Variants in CTNNA3 observed in about 807,000 individuals in gnomAD.
CTNNA3 encodes catenin alpha 3.
CTNNA3 carries 76 observed loss-of-function variants against 95.7 expected under a neutral mutation model. The ratio of observed to expected loss-of-function variants is 0.79; its 90% CI spans 0.66 to 0.96. CTNNA3 has a LOEUF of 0.96. CTNNA3 is among the 40% of genes least tolerant of loss of function. CTNNA3 has a pLI of 0.00. For missense variants in CTNNA3, 1,191 were observed against 1,089.8 expected (o/e 1.09, Z -1.31); for synonymous variants, 431 against 374.4 (o/e 1.15, Z -1.74).
chr10:66,047,601 T>C (rs2133521895), intron 15 of CTNNA3, among the ~76,000 whole-genome samples: 1 of 152,252 alleles, frequency 6.6e-6, no homozygotes, highest in South Asian at 2.1e-4. Context: ...ATCTCTTCTA[T>C]TCAAAATAGT....
intron 7 of CTNNA3, among the ~76,000 whole-genome samples, chr10:67,060,755 G>C (rs73256441): frequency 0.063 from 9,569 of 152,216 alleles, 941 homozygotes; most frequent in African/African-American, 0.21. Flanking sequence ...TGGTGCCTCT[G>C]TCAGCCTAGG....
chr10:66,687,808 T>C (rs1847356527), intron 9 of CTNNA3, among the ~76,000 whole-genome samples: 1 of 152,198 alleles, frequency 6.6e-6, no homozygotes, highest in African/African-American at 2.4e-5. Flanking sequence ...GATTATCTTC[T>C]AGACTCTATA....
chr10:67,327,653 A>C (rs1053184129), intron 5 of CTNNA3, among the ~76,000 whole-genome samples: 2 of 152,176 alleles, frequency 1.3e-5, no homozygotes, highest in Non-Finnish European at 2.9e-5. Context: ...GTACACTCCA[A>C]CGGGTGGTGT....
chr10:67,511,742 A>C (rs1220413611), intron 5 of CTNNA3, among the ~76,000 whole-genome samples: 1 of 152,088 alleles, frequency 6.6e-6, no homozygotes. Context: ...CTCTTTTACT[A>C]TTGATTGGAA....
At chr10:67,026,327 T>A (rs186689590) in intron 7 of CTNNA3, among the ~76,000 whole-genome samples, 5 of 152,172 alleles carry the variant, frequency 3.3e-5, no homozygotes, top group Non-Finnish European at 5.9e-5. Context: ...CAAGTAGAGT[T>A]TTAAGAAGAT....
chr10:66,121,818 T>G (rs1056362033), intron 13 of CTNNA3, among the ~76,000 whole-genome samples: 5 of 152,164 alleles, frequency 3.3e-5, no homozygotes, highest in Non-Finnish European at 7.3e-5. Flanking sequence ...CTGTCCAGCC[T>G]GGGTGACAGA....
intron 16 of CTNNA3, among the ~76,000 whole-genome samples, chr10:65,983,412 T>C (rs896248639): frequency 2.0e-5 from 3 of 151,564 alleles, no homozygotes; most frequent in Admixed American, 2.0e-4. Context: ...TATCCTTACC[T>C]TATGAGATGT....
At chr10:66,913,935 C>A (rs1383948881) in intron 7 of CTNNA3, among the ~76,000 whole-genome samples, 1 of 152,148 alleles carries the variant, frequency 6.6e-6, no homozygotes, top group Non-Finnish European at 1.5e-5. Context: ...GAACTTGGGG[C>A]ACCCAGCACC....
intron 1 of CTNNA3, among the ~76,000 whole-genome samples, chr10:67,752,082 C>T (rs1001481127): frequency 6.6e-6 from 1 of 152,160 alleles, no homozygotes; most frequent in African/African-American, 2.4e-5. Context: ...CAATAAAATA[C>T]TGGCAAACCA....
At chr10:66,701,355 A>G (rs1847936073) in intron 9 of CTNNA3, among the ~76,000 whole-genome samples, 2 of 152,158 alleles carry the variant, frequency 1.3e-5, no homozygotes. Flanking sequence ...CTTTGCATAT[A>G]AGTTTCAGAA....
intron 11 of CTNNA3, among the ~76,000 whole-genome samples, chr10:66,381,279 C>T (rs17176679): frequency 0.095 from 14,502 of 152,146 alleles, 918 homozygotes; most frequent in Middle Eastern, 0.18. Context: ...TTCTTTCAAG[C>T]CACTAGGCAA....
chr10:67,378,684 C>G (rs1843792537), intron 5 of CTNNA3, among the ~76,000 whole-genome samples: 1 of 152,200 alleles, frequency 6.6e-6, no homozygotes, highest in South Asian at 2.1e-4. Flanking sequence ...ACTTATTTCA[C>G]TTAACAGTGT....
At chr10:66,843,733 C>A (rs560334615) in intron 7 of CTNNA3, among the ~76,000 whole-genome samples, 67 of 152,272 alleles carry the variant, frequency 4.4e-4, no homozygotes, top group African/African-American at 1.6e-3. Context: ...AAGGACATGA[C>A]CCTTTTATTT....
upstream of CTNNA3, among the ~76,000 whole-genome samples, chr10:67,696,799 T>C (rs1840972885): frequency 1.3e-5 from 2 of 152,140 alleles, no homozygotes; most frequent in South Asian, 4.1e-4. Flanking sequence ...TTTTTTGATA[T>C]CTTCTCCCTC....
intron 13 of CTNNA3, among the ~76,000 whole-genome samples, chr10:66,136,113 A>G (rs1284635571): frequency 2.0e-5 from 3 of 152,144 alleles, no homozygotes; most frequent in Non-Finnish European, 4.4e-5. Flanking sequence ...CATGTTAGCC[A>G]GGATGGTCTC....
At chr10:67,723,128 AGACACG>A (rs1841189804) in intron 1 of CTNNA3, among the ~76,000 whole-genome samples, 1 of 151,758 alleles carries the variant, frequency 6.6e-6, no homozygotes. Flanking sequence ...CTGGGACTAC[AGACACG>A]CGCCACCACA....
intron 7 of CTNNA3, among the ~76,000 whole-genome samples, chr10:66,836,056 C>T (rs1247293047): frequency 6.6e-6 from 1 of 152,076 alleles, no homozygotes; most frequent in Non-Finnish European, 1.5e-5. Context: ...TGTTTAATAA[C>T]TGGCTTTCCA....
At chr10:67,602,956 AT>A (rs1323448103) in intron 3 of CTNNA3, among the ~76,000 whole-genome samples, 1 of 152,254 alleles carries the variant, frequency 6.6e-6, no homozygotes, top group Non-Finnish European at 1.5e-5. Context: ...TTTTTAATTT[AT>A]TTAACAAACG....
At chr10:67,385,429 T>C (rs571248725) in intron 5 of CTNNA3, among the ~76,000 whole-genome samples, 58 of 152,348 alleles carry the variant, frequency 3.8e-4, no homozygotes, top group African/African-American at 1.3e-3. Context: ...TTCTACCTAA[T>C]ATAGTTTTTG....
Sources: allele counts gnomAD v4.1 joint callset (sites outside exome capture counted in the v4.1 genomes callset), GRCh38; gene constraint gnomAD v4.1.1; transcripts MANE v1.5; gene names NCBI Gene and HGNC (gene_info 2026-07-23, HGNC 2026-07-21).